The following DCAF6 variants were observed in gnomAD, a reference collection of about 807,000 sequenced individuals.
DCAF6 encodes the protein DDB1 and CUL4 associated factor 6.
A neutral mutation model predicts 125.1 loss-of-function variants in DCAF6; 54 were observed. The observed-to-expected ratio is 0.43, with a 90% CI of 0.35 to 0.54. The LOEUF (loss-of-function observed/expected upper bound fraction) is 0.54. Among genes scored for constraint, DCAF6 ranks in the 20% least tolerant of loss-of-function variants. The pLI is 0.01. For synonymous variants in DCAF6, 371 were observed against 390.4 expected (o/e 0.95, Z 0.58); for missense variants, 934 against 1,161.7 (o/e 0.80, Z 2.85).
At chr1:168,042,867 T>A (rs925400881) in intron 13 of DCAF6, 158 bp from the exon 14 acceptor site, 1 of 537,036 alleles carries the variant, frequency 1.9e-6, no homozygotes, top group Non-Finnish European at 3.3e-6. Flanking sequence ...TCATCTTGAT[T>A]TGTTTGAAAT....
chr1:168,025,747 T>A (rs1280544869), intron 12 of DCAF6, among the ~76,000 whole-genome samples: 2 of 152,168 alleles, frequency 1.3e-5, no homozygotes, highest in African/African-American at 4.8e-5. Context: ...CAGGCTATAG[T>A]CTATTCTCTA....
chr1:167,918,096 G>C, the DCAF6 span: 1 of 432,126 alleles, frequency 2.3e-6, no homozygotes, highest in Non-Finnish European at 4.1e-6. Context: ...GTTTATTACG[G>C]ACAAATGGTA....
intron 2 of DCAF6, among the ~76,000 whole-genome samples, chr1:167,965,676 G>A (rs936064158): frequency 6.6e-6 from 1 of 151,988 alleles, no homozygotes; most frequent in East Asian, 1.9e-4. Context: ...CGCGTAGGCT[G>A]GGTGCAGTGA....
At chr1:167,992,252 T>TACAC (rs761598229) in intron 6 of DCAF6, among the ~76,000 whole-genome samples, 2,834 of 143,160 alleles carry the variant, frequency 0.02, 71 homozygotes, top group African/African-American at 0.055. Flanking sequence ...AGGCCAGGAT[T>TACAC]ACACACACAC....
upstream of DCAF6, among the ~76,000 whole-genome samples, chr1:167,932,736 G>A (rs556812343): frequency 1.3e-5 from 2 of 148,680 alleles, no homozygotes; most frequent in African/African-American, 5.0e-5. Context: ...TTGAACCCAG[G>A]AGGCCAAGGT....
At chr1:167,894,780 G>T in the DCAF6 span, among the ~76,000 whole-genome samples, 63 of 152,284 alleles carry the variant, frequency 4.1e-4, 2 homozygotes, top group East Asian at 0.011. Flanking sequence ...TAGGTAGTTG[G>T]TCAGAAGTGC....
At chr1:167,883,791 T>A in the DCAF6 span, among the ~76,000 whole-genome samples, 1 of 151,604 alleles carries the variant, frequency 6.6e-6, no homozygotes, top group Non-Finnish European at 1.5e-5. Flanking sequence ...CAGATGGAAA[T>A]ATAATCAAAA....
chr1:168,044,236 G>A (rs1206871782), intron 14 of DCAF6, among the ~76,000 whole-genome samples: 1 of 151,986 alleles, frequency 6.6e-6, no homozygotes, highest in Non-Finnish European at 1.5e-5. Context: ...TTAAGTTGAT[G>A]TTTACTTTTC....
chr1:168,021,836 A>G (rs1008105307), intron 11 of DCAF6, among the ~76,000 whole-genome samples: 21 of 152,198 alleles, frequency 1.4e-4, no homozygotes, highest in African/African-American at 5.1e-4. Context: ...TCAGCTATCC[A>G]GCTAAGGGCA....
upstream of DCAF6, chr1:167,936,607 G>A: frequency 2.8e-6 from 1 of 354,900 alleles, no homozygotes; most frequent in Non-Finnish European, 5.2e-6. Flanking sequence ...CGAGGAGAGG[G>A]AGGAGTCGCC....
the DCAF6 span, among the ~76,000 whole-genome samples, chr1:167,881,269 G>T: frequency 6.6e-6 from 1 of 152,186 alleles, no homozygotes; most frequent in Non-Finnish European, 1.5e-5. Flanking sequence ...TGTAGTATTA[G>T]TCACTTAAAA....
the DCAF6 span, among the ~76,000 whole-genome samples, chr1:167,883,211 C>G: frequency 6.6e-6 from 1 of 152,138 alleles, no homozygotes; most frequent in African/African-American, 2.4e-5. Flanking sequence ...CTAATTTTTG[C>G]ATTTTTAGTA....
At chr1:168,033,806 AGTT>A (rs747818426) in intron 12 of DCAF6, among the ~76,000 whole-genome samples, 6 of 152,232 alleles carry the variant, frequency 3.9e-5, no homozygotes, top group African/African-American at 7.2e-5. Context: ...TGATGTCATC[AGTT>A]GTTCTTAATA....
the DCAF6 span, among the ~76,000 whole-genome samples, chr1:167,902,880 A>T: frequency 6.6e-6 from 1 of 152,260 alleles, no homozygotes; most frequent in Non-Finnish European, 1.5e-5. Context: ...ATTATTGAGA[A>T]GCTAATTATA....
the DCAF6 span, among the ~76,000 whole-genome samples, chr1:167,914,753 C>T: frequency 6.6e-6 from 1 of 152,092 alleles, no homozygotes; most frequent in African/African-American, 2.4e-5. Context: ...TATATCATCA[C>T]AACCACAATT....
rs549530195 is a variant in DCAF6, at chr1:168,002,927, C to T, written c.997+352C>T. Among the ~76,000 whole-genome samples, 24 of 152,178 alleles carry T rather than the reference C, an allele frequency of 1.6e-4. No homozygotes were observed. In the South Asian group the frequency reaches 1.7e-3, roughly 11 times the overall value. ...TATTAAGAGAAATGAAAACTCAGCC[C>T]AAGGGTTTTATATTAGCACATAAAA... On this transcript the variant is annotated intron_variant, in intron 8 of 21. Coordinates refer to ENST00000367840, the MANE Select transcript of DCAF6 (RefSeq NM_001198956.2).
chr1:167,878,787 A>G, the DCAF6 span: 1 of 780,556 alleles, frequency 1.3e-6, no homozygotes, highest in South Asian at 1.7e-5. Flanking sequence ...ACCCATATTC[A>G]GCCAATGGCT....
chr1:167,891,701 C>T, the DCAF6 span, among the ~76,000 whole-genome samples: 1 of 151,466 alleles, frequency 6.6e-6, no homozygotes, highest in Non-Finnish European at 1.5e-5. Flanking sequence ...CCAAATTATC[C>T]CTGCCAATCA....
intron 20 of DCAF6, among the ~76,000 whole-genome samples, chr1:168,066,763 C>A (rs1558053646): frequency 2.6e-5 from 4 of 152,090 alleles, no homozygotes; most frequent in East Asian, 1.9e-4. Flanking sequence ...GAATCACACA[C>A]AAAAAAATCT....
Sources: gnomAD v4.1 joint callset for allele counts (sites outside exome capture counted in the v4.1 genomes callset) on GRCh38, gnomAD v4.1.1 for gene constraint, MANE v1.5 for transcripts, NCBI Gene and HGNC (gene_info 2026-07-23, HGNC 2026-07-21) for gene names.